The following CHD7 variants were observed in gnomAD, a reference collection of about 807,000 sequenced individuals.
CHD7 encodes ATP-dependent chromatin remodeler CHD7.
A neutral mutation model predicts 307.3 loss-of-function variants in CHD7; 24 were observed. The ratio of observed to expected loss-of-function variants is 0.08; its 90% CI spans 0.06 to 0.11. CHD7 has a LOEUF of 0.11. Among genes scored for constraint, CHD7 ranks in the 10% least tolerant of loss-of-function variants. The pLI is 1.00. For synonymous variants in CHD7, 1,363 were observed against 1,349.9 expected, an observed-to-expected ratio of 1.01 and a Z score of -0.21; for missense variants, 3,106 against 3,727.1, an observed-to-expected ratio of 0.83 and a Z score of 4.34.
intron 16 of CHD7, 141 bp downstream of exon 16, chr8:60,836,424 A>G (rs1804743690): frequency 1.5e-6 from 1 of 683,368 alleles, no homozygotes; most frequent in East Asian, 2.7e-5. Context: ...TTAAAACTAT[A>G]GATGTACATG....
intron 32 of CHD7, 59 bp from the exon 33 acceptor site, chr8:60,855,916 T>C (rs1472565835): frequency 1.8e-6 from 2 of 1,112,708 alleles, no homozygotes; most frequent in African/African-American, 3.1e-5. Context: ...GATGTATTTA[T>C]CTAGTAATTT....
chr8:60,752,618 A>G (rs983095012), intron 2 of CHD7, among the ~76,000 whole-genome samples: 1 of 152,218 alleles, frequency 6.6e-6, no homozygotes, highest in East Asian at 1.9e-4. Flanking sequence ...AGGGGAGGGT[A>G]TAGACTTAAA....
At position 60,731,547 on chromosome 8, in the gene CHD7, A is replaced by G. The variant is rs139164488; in HGVS notation, c.-174-9712A>G. On this transcript the variant is annotated intron_variant, in intron 1 of 37. Transcript: ENST00000423902. ...CCCCAGGATGAAGGGGGACTACTGC[A>G]TAGAAAAAATGTTTCCCAAATTTGT... Among the ~76,000 whole-genome samples the G allele has an allele frequency of 3.4e-3, 519 of 152,352 alleles. 4 individuals carry two copies. Among genetic ancestry groups the G allele is most frequent in the African/African-American group, 0.012 (480 of 41,592 alleles).
At chr8:60,791,293 C>A (rs899137584) in intron 3 of CHD7, among the ~76,000 whole-genome samples, 3 of 152,160 alleles carry the variant, frequency 2.0e-5, no homozygotes, top group African/African-American at 7.2e-5. Context: ...TACAGGTGTT[C>A]CCTGCACATG....
chr8:60,754,387 C>T (rs780310468), intron 2 of CHD7, among the ~76,000 whole-genome samples: 10 of 152,208 alleles, frequency 6.6e-5, no homozygotes, highest in Admixed American at 2.0e-4. Context: ...ATTTTTAGCA[C>T]AGCATGTGGT....
chr8:60,718,460 G>A (rs1807725091), intron 1 of CHD7, among the ~76,000 whole-genome samples: 1 of 151,440 alleles, frequency 6.6e-6, no homozygotes, highest in South Asian at 2.1e-4. Context: ...GGGAGACAGA[G>A]TGAGACTCCA....
At chr8:60,694,023 A>G (rs1242724734) in intron 1 of CHD7, among the ~76,000 whole-genome samples, 1 of 152,276 alleles carries the variant, frequency 6.6e-6, no homozygotes, top group African/African-American at 2.4e-5. Context: ...GAACTTTTAC[A>G]TAAAGAACCA....
chr8:60,833,003 A>G (rs1298099316), intron 15 of CHD7, among the ~76,000 whole-genome samples: 8 of 152,204 alleles, frequency 5.3e-5, no homozygotes, highest in African/African-American at 1.9e-4. Context: ...TGTAGATAAC[A>G]TACAAACTAA....
At chr8:60,804,642 G>A (rs1812459809) in intron 6 of CHD7, among the ~76,000 whole-genome samples, 1 of 152,130 alleles carries the variant, frequency 6.6e-6, no homozygotes, top group Non-Finnish European at 1.5e-5. Context: ...TTATTGAGGT[G>A]CTTTTTCATT....
At chr8:60,693,067 C>G (rs1160229949) in intron 1 of CHD7, among the ~76,000 whole-genome samples, 3 of 152,218 alleles carry the variant, frequency 2.0e-5, no homozygotes, top group African/African-American at 7.2e-5. Context: ...CTCTGCACTG[C>G]AAGTCTGCGC....
intron 13 of CHD7, chr8:60,825,391 A>G (rs747337610): frequency 6.6e-6 from 1 of 152,246 alleles, no homozygotes; most frequent in Non-Finnish European, 1.5e-5. Flanking sequence ...ATTATTATTA[A>G]AGCGATCCTA....
chr8:60,796,428 T>C (rs1563608308), intron 4 of CHD7, among the ~76,000 whole-genome samples: 3 of 152,240 alleles, frequency 2.0e-5, no homozygotes, highest in African/African-American at 4.8e-5. Flanking sequence ...AAGGGTATTT[T>C]CTCCTGATTT....
At chr8:60,785,671 C>T (rs1448164315) in intron 3 of CHD7, among the ~76,000 whole-genome samples, 2 of 152,124 alleles carry the variant, frequency 1.3e-5, no homozygotes, top group Non-Finnish European at 2.9e-5. Context: ...ATGGTGTACT[C>T]TTGTATATGT....
intron 1 of CHD7, among the ~76,000 whole-genome samples, chr8:60,680,903 T>A (rs1237464762): frequency 6.6e-6 from 1 of 152,218 alleles, no homozygotes; most frequent in Non-Finnish European, 1.5e-5. Flanking sequence ...GGGGCTTAAT[T>A]TCTGGAATAC....
intron 21 of CHD7, among the ~76,000 whole-genome samples, chr8:60,843,917 C>A (rs927422264): frequency 2.7e-4 from 41 of 152,162 alleles, no homozygotes; most frequent in African/African-American, 9.2e-4. Flanking sequence ...TCACAGGAGC[C>A]AGAGAGGACC....
chr8:60,857,022 T>C, intron 34 of CHD7, 134 bp downstream of exon 34: 1 of 728,248 alleles, frequency 1.4e-6, no homozygotes, highest in East Asian at 2.7e-5. Flanking sequence ...AAGAAATAGT[T>C]TTACAATAAA....
Position 60,848,291 on chromosome 8 carries a change from T to C in CHD7, c.5211-224T>C, listed in dbSNP as rs145185746. Among the ~76,000 whole-genome samples the C allele has an allele frequency of 6.6e-5, 10 of 152,338 alleles. No homozygotes were observed. The East Asian group carries it at 1.9e-3, about 29-fold the overall frequency. On this transcript the variant is annotated intron_variant, in intron 23 of 37. Coordinates refer to ENST00000423902, the MANE Select transcript of CHD7 (RefSeq NM_017780.4). Reference sequence around the variant, plus strand: ...TGGGCTGGGCTGAGCTCGGGCCCTCTCTGTGCAGTGTGAGCGGTTGCCAGG... The same window carrying C: ...TGGGCTGGGCTGAGCTCGGGCCCTCCCTGTGCAGTGTGAGCGGTTGCCAGG...
intron 3 of CHD7, among the ~76,000 whole-genome samples, chr8:60,791,543 T>C (rs918158802): frequency 6.6e-6 from 1 of 152,206 alleles, no homozygotes; most frequent in African/African-American, 2.4e-5. Context: ...TCTGTTGTAA[T>C]TTGGAAGAGG....
intron 1 of CHD7, among the ~76,000 whole-genome samples, chr8:60,704,608 G>A (rs1038921806): frequency 6.6e-6 from 1 of 151,342 alleles, no homozygotes; most frequent in African/African-American, 2.4e-5. Flanking sequence ...CCAGGTGAGA[G>A]GTGGTAGTGA....
Sources: gnomAD v4.1 joint callset for allele counts (sites outside exome capture counted in the v4.1 genomes callset) on GRCh38, gnomAD v4.1.1 for gene constraint, MANE v1.5 for transcripts, NCBI Gene and HGNC (gene_info 2026-07-23, HGNC 2026-07-21) for gene names.